ZNF431: variants seen among roughly 807,000 people sequenced by gnomAD.
ZNF431 encodes the protein zinc finger protein 431.
ZNF431 carries 34 observed loss-of-function variants against 57.0 expected under a neutral mutation model. The ratio of observed to expected loss-of-function variants is 0.60; its 90% CI spans 0.45 to 0.79. The LOEUF (loss-of-function observed/expected upper bound fraction) is 0.79. Ranked by LOEUF, ZNF431 falls within the 30% of genes least tolerant of loss-of-function variation. ZNF431 has a pLI of 0.00. For missense variants in ZNF431, 607 were observed against 667.1 expected, an observed-to-expected ratio of 0.91 and a Z score of 0.99; for synonymous variants, 207 against 220.3, an observed-to-expected ratio of 0.94 and a Z score of 0.54.
chr19:21,149,259 TAA>T (rs1429463577), intron 2 of ZNF431, among the ~76,000 whole-genome samples: 2 of 152,228 alleles, frequency 1.3e-5, no homozygotes, highest in African/African-American at 4.8e-5. Flanking sequence ...GAACAATTTT[TAA>T]AAGTCAAAGA....
intron 4 of ZNF431, among the ~76,000 whole-genome samples, chr19:21,174,091 G>A (rs561398979): frequency 2.0e-5 from 3 of 151,850 alleles, no homozygotes; most frequent in African/African-American, 4.8e-5. Flanking sequence ...GATTACAGGC[G>A]CCAAAATTAC....
chr19:21,148,236 C>T (rs968505626), intron 2 of ZNF431, among the ~76,000 whole-genome samples: 6 of 152,152 alleles, frequency 3.9e-5, no homozygotes, highest in East Asian at 1.9e-4. Context: ...ACCTTGTGAT[C>T]GGCCCGCCTT....
Position 21,187,382 on chromosome 19 carries a change from C to G in ZNF431, c.*3348C>G, listed in dbSNP as rs999895549. 6.1e-5 allele frequency: 9 copies of G among 147,072 alleles called. No individual in the cohort carries two copies. Among genetic ancestry groups the G allele is most frequent in the African/African-American group, 2.3e-4 (9 of 39,418 alleles). 9.1% of individuals were successfully genotyped at this position (147,072 alleles called of 1,614,324 possible). On this transcript the variant is annotated 3_prime_UTR_variant, in exon 5 of 5. Transcript: ENST00000311048. ...ACCCGGAGGTGAAGATTGGAGTAAGCCAAGATTGTGCCGTTGCACTACAGC... is the reference window on the plus strand; with the variant it reads ...ACCCGGAGGTGAAGATTGGAGTAAGGCAAGATTGTGCCGTTGCACTACAGC...
chr19:21,172,094 G>A (rs1384622513), intron 4 of ZNF431, among the ~76,000 whole-genome samples: 1 of 148,342 alleles, frequency 6.7e-6, no homozygotes, highest in African/African-American at 2.5e-5. Context: ...TTATAATTCT[G>A]TATTTTTTTC....
At chr19:21,173,009 A>G (rs1286608178) in intron 4 of ZNF431, among the ~76,000 whole-genome samples, 1 of 152,190 alleles carries the variant, frequency 6.6e-6, no homozygotes, top group African/African-American at 2.4e-5. Flanking sequence ...GTAGAATTAT[A>G]TAGTATTCAT....
At position 21,185,091 on chromosome 19, in the gene ZNF431, G is replaced by C. The variant is rs1474481068; in HGVS notation, c.*1057G>C. The C allele has an allele frequency of 6.6e-6, 1 of 152,068 alleles. No individual in the cohort carries two copies. The highest frequency in any genetic ancestry group is 1.5e-5 in the Non-Finnish European group (1 of 68,014). The allele number at this position is 152,068 out of a possible 1,614,324, so 9.4% of individuals were successfully genotyped here. A position where few individuals can be genotyped will look rare whatever the true frequency, so the allele number is the denominator to read the frequency against. ...CTAGAATATATTTTTTCCAGATGCA[G>C]TAAAAGTAAAATATTTAATCCATAA... On this transcript the variant is annotated 3_prime_UTR_variant, in exon 5 of 5. Coordinates refer to ENST00000311048, the MANE Select transcript of ZNF431 (RefSeq NM_133473.4).
intron 2 of ZNF431, among the ~76,000 whole-genome samples, chr19:21,155,462 C>T (rs1970393453): frequency 6.6e-6 from 1 of 152,150 alleles, no homozygotes; most frequent in Non-Finnish European, 1.5e-5. Flanking sequence ...CATGATGCCT[C>T]CAGCTTTGTT....
chr19:21,143,214 G>A (rs187892469), intron 1 of ZNF431, among the ~76,000 whole-genome samples: 9 of 152,040 alleles, frequency 5.9e-5, no homozygotes, highest in Non-Finnish European at 1.0e-4. Flanking sequence ...ATTAAATGAC[G>A]CTTTTCAAAA....
chr19:21,188,571 A>C lies in ZNF431; in HGVS notation c.*4537A>C, dbSNP rs1971433043. On this transcript the variant is annotated 3_prime_UTR_variant, in exon 5 of 5. Transcript: ENST00000311048. ...AGTGGATTTAAAATTTTGAAAAATA[A>C]TGTCTTTTCTATATTGATTTTACAA... 6.6e-6 allele frequency: 1 copy of C among 152,168 alleles called. No homozygotes were observed. The highest frequency in any genetic ancestry group is 2.4e-5 in the African/African-American group (1 of 41,454). 9.4% of individuals were successfully genotyped at this position (152,168 alleles called of 1,614,324 possible).
intron 4 of ZNF431, among the ~76,000 whole-genome samples, chr19:21,173,967 T>G (rs556705047): frequency 2.6e-5 from 4 of 151,878 alleles, no homozygotes; most frequent in South Asian, 4.2e-4. Context: ...CTTTTTTTTT[T>G]GGGAGTCTCA....
Position 21,186,038 on chromosome 19 carries a change from TTGAC to T in ZNF431, c.*2005_*2008del, listed in dbSNP as rs1212907439. The T allele has an allele frequency of 6.6e-6, 1 of 152,156 alleles. No homozygotes were observed. Among genetic ancestry groups the T allele is most frequent in the African/African-American group, 2.4e-5 (1 of 41,436 alleles). The allele number at this position is 152,156 out of a possible 1,614,324, so 9.4% of individuals were successfully genotyped here. On this transcript the variant is annotated 3_prime_UTR_variant, in exon 5 of 5. Coordinates refer to ENST00000311048, the MANE Select transcript of ZNF431 (RefSeq NM_133473.4). ...GGCTCACGTCTGTAATCCCAGCACT[TTGAC>T]AGGCTGAGCGAGGGAGTGGATCTTG...
rs1971558525 is a variant in ZNF431 at position 21,194,012 on chromosome 19, G to A, written c.*9978G>A. 6.6e-6 allele frequency: 1 copy of A among 151,736 alleles called. No individual in the cohort carries two copies. Among genetic ancestry groups the A allele is most frequent in the Non-Finnish European group, 1.5e-5 (1 of 67,966 alleles). The allele number at this position is 151,736 out of a possible 1,614,324, so 9.4% of individuals were successfully genotyped here. ...ATTTAACATAGTTCTGGAAGTGCTG[G>A]ATAAATCTAACAAAATGAAAAAATA... On this transcript the variant is annotated 3_prime_UTR_variant, in exon 5 of 5. Coordinates refer to ENST00000311048, the MANE Select transcript of ZNF431 (RefSeq NM_133473.4).
intron 1 of ZNF431, 44 bp downstream of exon 1, chr19:21,142,230 G>T: frequency 6.2e-7 from 1 of 1,612,672 alleles, no homozygotes; most frequent in Non-Finnish European, 8.5e-7. Flanking sequence ...GGAAGGGCTG[G>T]TTGTAACCGG....
chr19:21,179,240 T>C (rs1013333196), intron 4 of ZNF431, among the ~76,000 whole-genome samples: 1 of 152,152 alleles, frequency 6.6e-6, no homozygotes, highest in African/African-American at 2.4e-5. Context: ...TTATTGTTTA[T>C]TGCATTTTTC....
At chr19:21,162,738 C>T in intron 2 of ZNF431, 7 of 985,378 alleles carry the variant, frequency 7.1e-6, no homozygotes, top group Non-Finnish European at 8.4e-6. Context: ...CTCAAAATTT[C>T]AGAAACCCAA....
intron 4 of ZNF431, chr19:21,175,506 G>A (rs1459360395): frequency 1.5e-6 from 1 of 687,652 alleles, no homozygotes; most frequent in East Asian, 2.7e-5. Context: ...GTGCTGTGGT[G>A]GTTTGCTGCA....
At chr19:21,143,909 T>C (rs1044874255) in intron 2 of ZNF431, among the ~76,000 whole-genome samples, 6 of 151,544 alleles carry the variant, frequency 4.0e-5, no homozygotes, top group Non-Finnish European at 7.4e-5. Context: ...AAAACCTGAC[T>C]CTAGTGAGAT....
At chr19:21,160,323 GTAAA>G (rs1970537624) in intron 2 of ZNF431, among the ~76,000 whole-genome samples, 1 of 152,174 alleles carries the variant, frequency 6.6e-6, no homozygotes, top group Admixed American at 6.5e-5. Context: ...GGCTCCAGGT[GTAAA>G]TAGAGTCTGA....
intron 4 of ZNF431, among the ~76,000 whole-genome samples, chr19:21,176,199 GTCT>G (rs1971047309): frequency 6.7e-6 from 1 of 148,246 alleles, no homozygotes; most frequent in Non-Finnish European, 1.5e-5. Context: ...CCACATAAAT[GTCT>G]TCTTTTGAGA....
Sources: allele counts gnomAD v4.1 joint callset (sites outside exome capture counted in the v4.1 genomes callset), GRCh38; gene constraint gnomAD v4.1.1; transcripts MANE v1.5; gene names NCBI Gene and HGNC (gene_info 2026-07-23, HGNC 2026-07-21).